The following ADAM22 variants were observed in gnomAD, a reference collection of about 807,000 sequenced individuals.
ADAM22 encodes the protein ADAM metallopeptidase domain 22.
A neutral mutation model predicts 144.6 loss-of-function variants in ADAM22; 65 were observed. The observed-to-expected ratio is 0.45, with a 90% CI of 0.37 to 0.55. The LOEUF is 0.55. ADAM22 is among the 20% of genes least tolerant of loss of function. The pLI is 0.00. For synonymous variants in ADAM22, 391 were observed against 412.6 expected (o/e 0.95, Z 0.63); for missense variants, 974 against 1,184.9 (o/e 0.82, Z 2.61).
At chr7:87,987,240 A>G (rs1008855281) in intron 3 of ADAM22, among the ~76,000 whole-genome samples, 1 of 151,746 alleles carries the variant, frequency 6.6e-6, no homozygotes, top group Non-Finnish European at 1.5e-5. Flanking sequence ...GTGCAGTGGC[A>G]CAATCTCAGC....
chr7:88,108,712 G>C (rs556429110), intron 5 of ADAM22, among the ~76,000 whole-genome samples: 1 of 149,308 alleles, frequency 6.7e-6, no homozygotes, highest in South Asian at 2.2e-4. Context: ...CTGTGGGATA[G>C]AGCGAGACTC....
intron 4 of ADAM22, among the ~76,000 whole-genome samples, chr7:88,087,870 G>A (rs1818827976): frequency 6.6e-6 from 1 of 152,096 alleles, no homozygotes; most frequent in South Asian, 2.1e-4. Context: ...ATTGACTTTT[G>A]ACTGGTAATT....
chr7:88,117,972 C>T (rs1236371680), intron 7 of ADAM22, among the ~76,000 whole-genome samples: 8 of 152,224 alleles, frequency 5.3e-5, no homozygotes, highest in Middle Eastern at 3.4e-3. Context: ...GGTTTACAGG[C>T]GTGAGCCACT....
chr7:88,090,891 T>G (rs2129484788), intron 4 of ADAM22, among the ~76,000 whole-genome samples: 1 of 152,298 alleles, frequency 6.6e-6, no homozygotes, highest in African/African-American at 2.4e-5. Flanking sequence ...GTTGCCCATT[T>G]TTAAGTACTT....
At chr7:87,978,894 A>G (rs778778007) in intron 3 of ADAM22, among the ~76,000 whole-genome samples, 28 of 152,328 alleles carry the variant, frequency 1.8e-4, no homozygotes, top group Non-Finnish European at 3.4e-4. Context: ...TACTGGGATT[A>G]TCCTGTGAAT....
chr7:88,013,637 C>T (rs1010835336), intron 3 of ADAM22, among the ~76,000 whole-genome samples: 11 of 152,060 alleles, frequency 7.2e-5, no homozygotes, highest in African/African-American at 2.7e-4. Flanking sequence ...CTCTGTTGCT[C>T]AAGCTGGTCT....
chr7:88,029,418 G>A (rs925687941), intron 3 of ADAM22, among the ~76,000 whole-genome samples: 4 of 151,596 alleles, frequency 2.6e-5, no homozygotes, highest in African/African-American at 9.7e-5. Context: ...ACTTTTTATT[G>A]TACTGTCTGT....
intron 3 of ADAM22, among the ~76,000 whole-genome samples, chr7:88,069,895 C>G (rs74527778): frequency 6.6e-6 from 1 of 152,198 alleles, no homozygotes; most frequent in East Asian, 1.9e-4. Flanking sequence ...CTGGTTTCTC[C>G]TGCTTTGGCA....
intron 3 of ADAM22, among the ~76,000 whole-genome samples, chr7:88,038,988 C>G (rs538260031): frequency 6.6e-6 from 1 of 151,798 alleles, no homozygotes; most frequent in Non-Finnish European, 1.5e-5. Context: ...ACTATGTTGC[C>G]CAGGCTGGTC....
chr7:88,145,306 G>T (rs1400577663), intron 16 of ADAM22, 109 bp from the exon 17 acceptor site: 6 of 1,498,412 alleles, frequency 4.0e-6, no homozygotes, highest in Non-Finnish European at 4.6e-6. Context: ...TATAGGATTT[G>T]TGGAAGAAAA....
At chr7:88,054,835 A>G (rs1168921028) in intron 3 of ADAM22, among the ~76,000 whole-genome samples, 1 of 152,178 alleles carries the variant, frequency 6.6e-6, no homozygotes, top group Admixed American at 6.5e-5. Context: ...GAATTTTAGA[A>G]TTAGATAGGG....
chr7:87,947,313 T>C (rs1843922210), intron 2 of ADAM22, among the ~76,000 whole-genome samples: 2 of 151,570 alleles, frequency 1.3e-5, no homozygotes, highest in Non-Finnish European at 2.9e-5. Flanking sequence ...AAATAGTACA[T>C]AGCTTTTTTT....
rs962306481 is a variant in ADAM22 at position 88,200,589 on chromosome 7, A to G, written c.*4098A>G. 2.0e-5 allele frequency: 3 copies of G among 152,218 alleles called. No homozygotes were observed. The highest frequency in any genetic ancestry group is 4.4e-5 in the Non-Finnish European group (3 of 68,044). 9.4% of individuals were successfully genotyped at this position (152,218 alleles called of 1,614,324 possible). A position where few individuals can be genotyped will look rare whatever the true frequency, so the allele number is the denominator to read the frequency against. On this transcript the variant is annotated 3_prime_UTR_variant, in exon 32 of 32. Transcript: ENST00000413139. ...GCAGCATCATATCTACTTTTTATGC[A>G]CCTAATTATATTTTTCCTTTCACTT...
intron 9 of ADAM22, 131 bp from the exon 10 acceptor site, chr7:88,130,257 C>G: frequency 1.5e-6 from 1 of 678,372 alleles, no homozygotes; most frequent in East Asian, 2.9e-5. Context: ...ACAGACAACA[C>G]ATTTTTACAG....
Position 88,143,105 on chromosome 7 carries a change from C to T in ADAM22, c.1300C>T (p.Leu434Phe). The T allele has an allele frequency of 1.2e-6, 2 of 1,610,496 alleles. No homozygotes were observed. Among genetic ancestry groups the T allele is most frequent in the Non-Finnish European group, 1.7e-6 (2 of 1,177,216 alleles). Residue 434 changes from leucine to phenylalanine, a missense_variant, in exon 15 of 32, where the codon CTT becomes TTT. By Grantham distance (22) the Leu-to-Phe change is conservative. Coordinates refer to ENST00000413139, the MANE Select transcript of ADAM22 (RefSeq NM_001324418.2). ...DFLNSGGGAC[L>F]FNKPSKLLDP... ...CCTGAATAGTGGAGGTGGTGCCTGC[C>T]TTTTCAACAAACCTTCTAAGGTAAT... is the stretch of plus-strand genomic sequence containing the variant.
At chr7:88,107,373 GTATTTTTAGAAGAGACAGGGTTTCACCA>G (rs1406591218) in intron 4 of ADAM22, among the ~76,000 whole-genome samples, 1 of 131,472 alleles carries the variant, frequency 7.6e-6, no homozygotes, top group Non-Finnish European at 1.6e-5. Flanking sequence ...AGCTAATTTT[GTATTTTTAGAAGAGACAGGGTTTCACCA>G]TATTGGCTGG....
chr7:88,123,820 G>A (rs901935503), intron 7 of ADAM22, among the ~76,000 whole-genome samples: 2 of 151,440 alleles, frequency 1.3e-5, no homozygotes, highest in African/African-American at 2.4e-5. Context: ...ATTTACTTTA[G>A]GTCAAAACAT....
At chr7:87,997,253 T>A (rs1278298653) in intron 3 of ADAM22, among the ~76,000 whole-genome samples, 4 of 152,342 alleles carry the variant, frequency 2.6e-5, no homozygotes, top group South Asian at 2.1e-4. Flanking sequence ...CAGTGCAATT[T>A]AAAAACCCCC....
chr7:87,954,887 A>G (rs1405532224), intron 2 of ADAM22, among the ~76,000 whole-genome samples: 1 of 151,984 alleles, frequency 6.6e-6, no homozygotes, highest in African/African-American at 2.4e-5. Flanking sequence ...CATTCATTTC[A>G]TCTTCCATCA....
Sources: gnomAD v4.1 joint callset for allele counts (sites outside exome capture counted in the v4.1 genomes callset) on GRCh38, gnomAD v4.1.1 for gene constraint, MANE v1.5 for transcripts, NCBI Gene and HGNC (gene_info 2026-07-23, HGNC 2026-07-21) for gene names.